The following DIP2C variants were observed in gnomAD, a reference collection of about 807,000 sequenced individuals.
The protein encoded by DIP2C is DIP2 acetate--CoA ligase C (putative), also known as disco-interacting protein 2 homolog C.
In DIP2C, 33 loss-of-function variants were observed where a neutral mutation model predicts 192.4. The ratio of observed to expected loss-of-function variants is 0.17; its 90% CI spans 0.13 to 0.23. The LOEUF (loss-of-function observed/expected upper bound fraction) is 0.23. Ranked by LOEUF, DIP2C falls within the 10% of genes least tolerant of loss-of-function variation. The pLI is 1.00. For missense variants in DIP2C, 1,537 were observed against 2,110.1 expected (o/e 0.73, Z 5.32); for synonymous variants, 979 against 864.1 (o/e 1.13, Z -2.33).
At chr10:471,141 G>A (rs568471472) in intron 3 of DIP2C, among the ~76,000 whole-genome samples, 6 of 152,238 alleles carry the variant, frequency 3.9e-5, no homozygotes, top group South Asian at 4.2e-4. Context: ...CATTCCATCC[G>A]CACACATTTT....
At chr10:424,391 A>C (rs1234240018) in intron 4 of DIP2C, among the ~76,000 whole-genome samples, 1 of 109,168 alleles carries the variant, frequency 9.2e-6, no homozygotes, top group Admixed American at 1.3e-4. Context: ...TTTGAGACAG[A>C]GTCTTCCTCT....
intron 1 of DIP2C, among the ~76,000 whole-genome samples, chr10:569,191 G>A (rs1013668832): frequency 2.2e-4 from 34 of 152,162 alleles, no homozygotes; most frequent in African/African-American, 6.3e-4. Flanking sequence ...GACTTCCGTG[G>A]CCCACAAGGC....
chr10:571,714 G>A (rs1010184357), intron 1 of DIP2C, among the ~76,000 whole-genome samples: 1 of 152,144 alleles, frequency 6.6e-6, no homozygotes, highest in Admixed American at 6.5e-5. Flanking sequence ...CTGCTGCCCC[G>A]TGGGCTCCGT....
At position 362,617 on chromosome 10, in the gene DIP2C, C is replaced by T. The variant is rs755691819; in HGVS notation, c.2667G>A (p.Pro889=). Reference sequence around the variant, plus strand: ...TTTCTGATAAATGGATCCCACCAAGCGGGGTTTTGGGGAGGGTGTTTGCTG... The same window carrying T: ...TTTCTGATAAATGGATCCCACCAAGTGGGGTTTTGGGGAGGGTGTTTGCTG... The part of the protein sequence containing the change: ...LVPANTLPKT[P]LGGIHLSETK... The change falls in exon 22 of 37, where the codon CCG becomes CCA. Residue 889 remains proline, a synonymous_variant. Transcript: ENST00000280886. 7.4e-6 allele frequency: 12 copies of T among 1,613,968 alleles called. No individual in the cohort carries two copies. The highest frequency in any genetic ancestry group is 5.0e-5 in the Admixed American group (3 of 59,996).
At chr10:284,561 G>A (rs375964396) in intron 34 of DIP2C, among the ~76,000 whole-genome samples, 9 of 152,330 alleles carry the variant, frequency 5.9e-5, no homozygotes, top group South Asian at 2.1e-4. Context: ...TCATAGAAGC[G>A]GAGGGTAAAC....
At chr10:579,566 A>C (rs1006512615) in intron 1 of DIP2C, among the ~76,000 whole-genome samples, 1 of 151,844 alleles carries the variant, frequency 6.6e-6, no homozygotes, top group Non-Finnish European at 1.5e-5. Context: ...TAGGTACACT[A>C]TAACACATGC....
intron 1 of DIP2C, chr10:661,915 C>T: frequency 1.5e-6 from 1 of 651,754 alleles, no homozygotes; most frequent in Non-Finnish European, 2.8e-6. Context: ...TGTAGACTCA[C>T]AGCTTCATCT....
At chr10:537,698 T>TA (rs1378530563) in intron 1 of DIP2C, among the ~76,000 whole-genome samples, 16 of 152,230 alleles carry the variant, frequency 1.1e-4, no homozygotes, top group African/African-American at 3.9e-4. Context: ...CACAGGCTGG[T>TA]AAGTCAACTC....
chr10:673,093 A>T (rs1830726924), intron 1 of DIP2C, among the ~76,000 whole-genome samples: 1 of 152,116 alleles, frequency 6.6e-6, no homozygotes, highest in Admixed American at 6.5e-5. Context: ...CTTGCTGCTC[A>T]GCTGGGAGGG....
At chr10:540,129 C>T (rs558145969) in intron 1 of DIP2C, among the ~76,000 whole-genome samples, 1 of 152,346 alleles carries the variant, frequency 6.6e-6, no homozygotes, top group African/African-American at 2.4e-5. Flanking sequence ...AAGGACACAG[C>T]ATATTTCCTA....
chr10:292,917 C>T (rs1001991031), intron 32 of DIP2C, among the ~76,000 whole-genome samples: 6 of 152,232 alleles, frequency 3.9e-5, no homozygotes, highest in Admixed American at 2.6e-4. Context: ...GACCACCACC[C>T]CCTGGCAGCA....
chr10:636,946 G>A lies in DIP2C; in HGVS notation c.85+52548C>T, dbSNP rs1035070259. ...TCCTGCTCCCCGACGGCATAGCTGCGACCGGCACCACATGGGACTCGTGTG... is the reference window on the plus strand; with the variant it reads ...TCCTGCTCCCCGACGGCATAGCTGCAACCGGCACCACATGGGACTCGTGTG... On this transcript the variant is annotated intron_variant, in intron 1 of 36. Transcript: ENST00000280886. This position sits in a 1 kb window ranked among gnomAD's most constrained non-coding sequence, Gnocchi z 4.6. 6.6e-6 allele frequency among the ~76,000 whole-genome samples: 1 copy of A among 152,334 alleles called. No homozygotes were observed. The highest frequency in any genetic ancestry group is 2.4e-5 in the African/African-American group (1 of 41,582).
At chr10:487,750 TG>T (rs1410694069) in intron 1 of DIP2C, among the ~76,000 whole-genome samples, 1 of 151,940 alleles carries the variant, frequency 6.6e-6, no homozygotes, top group Non-Finnish European at 1.5e-5. Context: ...GCTAATTTTT[TG>T]TATTTTTAGT....
chr10:310,236 G>A (rs1157120295), intron 31 of DIP2C, 144 bp from the exon 32 acceptor site: 2 of 708,106 alleles, frequency 2.8e-6, no homozygotes, highest in Non-Finnish European at 4.9e-6. Context: ...AACCTCTCAA[G>A]GCACCTGCTA....
At chr10:373,734 T>C (rs1337075479) in intron 17 of DIP2C, among the ~76,000 whole-genome samples, 3 of 152,088 alleles carry the variant, frequency 2.0e-5, no homozygotes, top group Non-Finnish European at 2.9e-5. Context: ...CCAGGGTCGA[T>C]TGTATCCTGA....
intron 1 of DIP2C, chr10:661,984 G>A (rs775987299): frequency 7.1e-6 from 5 of 708,930 alleles, no homozygotes; most frequent in Non-Finnish European, 1.3e-5. Flanking sequence ...CAGCTCACTG[G>A]CTGCCTTCTC....
chr10:345,628 A>G (rs1958418020), intron 26 of DIP2C, among the ~76,000 whole-genome samples: 1 of 127,878 alleles, frequency 7.8e-6, no homozygotes, highest in South Asian at 3.0e-4. Flanking sequence ...ACCCAGACAC[A>G]TCGCGCATAG....
chr10:605,000 G>A (rs770195031), intron 1 of DIP2C, among the ~76,000 whole-genome samples: 6 of 152,214 alleles, frequency 3.9e-5, no homozygotes, highest in Non-Finnish European at 8.8e-5. Context: ...TCTATGAAGT[G>A]CAGACACATC....
chr10:568,283 T>C (rs1312257276), intron 1 of DIP2C, among the ~76,000 whole-genome samples: 3 of 152,178 alleles, frequency 2.0e-5, no homozygotes, highest in Non-Finnish European at 4.4e-5. Context: ...GGACCTGCAG[T>C]GCTTTCTCCT....
Sources: gnomAD v4.1 joint callset for allele counts (sites outside exome capture counted in the v4.1 genomes callset) on GRCh38, gnomAD v4.1.1 for gene constraint, Gnocchi (gnomAD v3.1) non-coding constraint, MANE v1.5 for transcripts, NCBI Gene and HGNC (gene_info 2026-07-23, HGNC 2026-07-21) for gene names.